The following GRHPR variants were observed in gnomAD, a reference collection of about 807,000 sequenced individuals.
GRHPR encodes glyoxylate and hydroxypyruvate reductase.
GRHPR carries 35 observed loss-of-function variants against 36.8 expected under a neutral mutation model. The observed-to-expected ratio is 0.95, with a 90% CI of 0.73 to 1.26. The LOEUF (loss-of-function observed/expected upper bound fraction) is 1.26, where lower values mean the gene tolerates loss of function less well. GRHPR is among the 50% of genes most tolerant of loss of function. The pLI, the probability that GRHPR is intolerant of heterozygous loss-of-function variation, is 0.00. For missense variants in GRHPR, 380 were observed against 435.0 expected (o/e 0.87, Z 1.12); for synonymous variants, 179 against 181.0 (o/e 0.99, Z 0.09).
intron 5 of GRHPR, 144 bp downstream of exon 5, chr9:37,428,716 A>C (rs1274489272): frequency 7.0e-6 from 5 of 717,184 alleles, no homozygotes; most frequent in African/African-American, 6.9e-5. Flanking sequence ...TGAGGGATAC[A>C]GCTTTGTAAA....
chr9:37,428,718 C>T lies in GRHPR; in HGVS notation c.493+146C>T, dbSNP rs752115702. ...GAGATATCTCTAATGAGGGATACAG[C>T]TTTGTAAAACACAGGCAAATACATA... On this transcript the variant is annotated intron_variant, in intron 5 of 8. Coordinates refer to ENST00000318158, the MANE Select transcript of GRHPR (RefSeq NM_012203.2). 4.2e-6 allele frequency: 3 copies of T among 715,026 alleles called. No individual in the cohort carries two copies. The East Asian group carries it at 7.9e-5, about 19-fold the overall frequency. 44.3% of individuals were successfully genotyped at this position (715,026 alleles called of 1,614,324 possible).
intron 8 of GRHPR, among the ~76,000 whole-genome samples, chr9:37,435,183 T>C (rs552643416): frequency 1.3e-5 from 2 of 152,242 alleles, no homozygotes; most frequent in Admixed American, 6.5e-5. Context: ...CCTAGGAGGT[T>C]GAGGCTGTAG....
exon 1 of GRHPR, chr9:37,422,681 CGCCCCGGCCCAGCTACATTCCCGG>C: frequency 7.9e-7 from 1 of 1,264,644 alleles, no homozygotes; most frequent in South Asian, 1.3e-5. Flanking sequence ...AGCCTGGCCC[CGCCCCGGCCCAGCTACATTCCCGG>C]GCCAGCTTCT....
chr9:37,425,412 A>T (rs1823033594), intron 2 of GRHPR, among the ~76,000 whole-genome samples: 1 of 152,232 alleles, frequency 6.6e-6, no homozygotes. Flanking sequence ...TCCCCCTGTG[A>T]GGCTGTTGTG....
chr9:37,434,461 C>T (rs1823537911), intron 8 of GRHPR: 1 of 588,232 alleles, frequency 1.7e-6, no homozygotes, highest in Non-Finnish European at 3.1e-6. Flanking sequence ...GGAATGCATG[C>T]AGAAATACCC....
At chr9:37,431,928 A>T in intron 7 of GRHPR, 80 bp from the exon 8 acceptor site, 1 of 1,494,758 alleles carries the variant, frequency 6.7e-7, no homozygotes, top group African/African-American at 1.4e-5. Context: ...GGAAAAATTC[A>T]TTCTGTAGGT....
At chr9:37,422,609 C>G, upstream of GRHPR, 2 of 706,506 alleles carry the variant, frequency 2.8e-6, no homozygotes, top group Non-Finnish European at 5.1e-6. Flanking sequence ...CAACCCGGCG[C>G]TCCCTCTCGC....
intron 7 of GRHPR, 168 bp downstream of exon 7, chr9:37,430,814 C>T (rs776329452): frequency 2.1e-5 from 15 of 721,182 alleles, no homozygotes; most frequent in South Asian, 1.2e-4. Context: ...ACGAGACCTC[C>T]GTACAGGGAA....
At chr9:37,428,604 C>T (rs373472631) in intron 5 of GRHPR, 32 bp downstream of exon 5, 116 of 1,433,128 alleles carry the variant, frequency 8.1e-5, no homozygotes, top group Non-Finnish European at 9.7e-5. Context: ...TTGCCCGCCC[C>T]GGCTCTCACA....
intron 7 of GRHPR, chr9:37,431,426 G>A (rs1022522745): frequency 1.5e-5 from 4 of 262,504 alleles, no homozygotes; most frequent in Non-Finnish European, 1.5e-5. Flanking sequence ...GCCCAGGACC[G>A]TGTATTACTC....
Position 37,425,962 on chromosome 9 carries a change from C to T in GRHPR, c.255C>T (p.Ile85=), listed in dbSNP as rs372985143. 6.5e-5 allele frequency: 105 copies of T among 1,613,538 alleles called. No homozygotes were observed. Among genetic ancestry groups the T allele is most frequent in the Admixed American group, 1.0e-4 (6 of 60,020 alleles). ...TCATCAGCACCATGTCTGTGGGCAT[C>T]GACCACTTGGCTTTGGATGAAATCA... ...LKVISTMSVG[I]DHLALDEIKK... Residue 85 remains isoleucine, a synonymous_variant, in exon 3 of 9, where the codon ATC becomes ATT. Transcript: ENST00000318158.
At chr9:37,427,490 G>A (rs1452784506) in intron 4 of GRHPR, among the ~76,000 whole-genome samples, 1 of 152,174 alleles carries the variant, frequency 6.6e-6, no homozygotes, top group Non-Finnish European at 1.5e-5. Context: ...AGGCCAAACA[G>A]TTTTAAAATC....
chr9:37,429,538 G>A (rs1171804438), intron 5 of GRHPR, 194 bp from the exon 6 acceptor site: 1 of 665,398 alleles, frequency 1.5e-6, no homozygotes. Context: ...GATCCCTGGG[G>A]CAGTGTGGGC....
At chr9:37,433,877 G>A (rs1430475261) in intron 8 of GRHPR, 3 of 395,776 alleles carry the variant, frequency 7.6e-6, no homozygotes, top group Non-Finnish European at 1.3e-5. Flanking sequence ...TTCTGGAATG[G>A]AAACCTAAAC....
intron 5 of GRHPR, chr9:37,429,179 TCACTAG>T (rs1180573103): frequency 3.9e-6 from 1 of 254,228 alleles, no homozygotes; most frequent in Non-Finnish European, 7.8e-6. Flanking sequence ...GCCCTGCCTC[TCACTAG>T]AGAGTTGCTT....
At chr9:37,426,144 G>A (rs1823066179) in intron 3 of GRHPR, 150 bp downstream of exon 3, 1 of 675,652 alleles carries the variant, frequency 1.5e-6, no homozygotes, top group Admixed American at 2.2e-5. Flanking sequence ...CATGTGCACA[G>A]GTCAGTTACA....
chr9:37,428,506 C>T lies in GRHPR; in HGVS notation c.427C>T (p.Pro143Ser). 1 of 1,611,832 alleles carries T rather than the reference C, an allele frequency of 6.2e-7. No individual in the cohort carries two copies. The highest frequency in any genetic ancestry group is 8.5e-7 in the Non-Finnish European group (1 of 1,178,708). ...VKNGGWTSWKPLWLCGYGLTQ... is the reference protein window; with the variant it reads ...VKNGGWTSWKSLWLCGYGLTQ... Reference sequence around the variant, plus strand: ...CAGTGGTGGCTGGACCTCGTGGAAGCCCCTCTGGCTGTGTGGCTATGGACT... The same window carrying T: ...CAGTGGTGGCTGGACCTCGTGGAAGTCCCTCTGGCTGTGTGGCTATGGACT... Residue 143 changes from proline to serine, a missense_variant, in exon 5 of 9, where the codon CCC becomes TCC. Coordinates refer to ENST00000318158, the MANE Select transcript of GRHPR (RefSeq NM_012203.2).
chr9:37,422,968 G>A (rs527459097), intron 1 of GRHPR, 135 bp downstream of exon 1: 2 of 653,202 alleles, frequency 3.1e-6, no homozygotes, highest in South Asian at 1.9e-5. Flanking sequence ...GTTCTCTGGG[G>A]CCCAGTTCTC....
intron 8 of GRHPR, among the ~76,000 whole-genome samples, chr9:37,433,644 A>T (rs773199712): frequency 1.4e-4 from 22 of 152,072 alleles, no homozygotes; most frequent in Non-Finnish European, 2.9e-4. Flanking sequence ...GGTCTGACAG[A>T]GTGTGCTCCT....
Sources: allele counts gnomAD v4.1 joint callset (sites outside exome capture counted in the v4.1 genomes callset), GRCh38; gene constraint gnomAD v4.1.1; transcripts MANE v1.5; gene names NCBI Gene and HGNC (gene_info 2026-07-23, HGNC 2026-07-21).